The following JAM2 variants were observed in gnomAD, a reference collection of about 807,000 sequenced individuals.
JAM2 encodes the protein junctional adhesion molecule 2.
Under a neutral mutation model 42.0 loss-of-function variants are expected in JAM2, and 17 were observed. The ratio of observed to expected loss-of-function variants is 0.40; its 90% CI spans 0.28 to 0.61. The LOEUF (loss-of-function observed/expected upper bound fraction) is 0.61. JAM2 is among the 20% of genes least tolerant of loss of function. The probability of loss-of-function intolerance (pLI) is 0.37; values close to 1 mark genes in which losing one functional copy is unlikely to be tolerated. For synonymous variants in JAM2, 118 were observed against 128.6 expected (o/e 0.92, Z 0.56); for missense variants, 319 against 358.3 (o/e 0.89, Z 0.89).
chr21:25,682,890 C>T (rs2033667844), intron 1 of JAM2, among the ~76,000 whole-genome samples: 1 of 152,082 alleles, frequency 6.6e-6, no homozygotes, highest in Admixed American at 6.5e-5. Flanking sequence ...AGTCGAACTC[C>T]TCTCGGTGTT....
chr21:25,690,015 C>G (rs192670065), intron 3 of JAM2, 42 bp downstream of exon 3: 2 of 1,151,340 alleles, frequency 1.7e-6, no homozygotes, highest in Non-Finnish European at 2.6e-6. Flanking sequence ...CAAGAGAATG[C>G]CAAGTACAAC....
chr21:25,673,152 A>T (rs989979132), intron 1 of JAM2, among the ~76,000 whole-genome samples: 2 of 152,198 alleles, frequency 1.3e-5, no homozygotes, highest in Non-Finnish European at 2.9e-5. Flanking sequence ...TCAGCCACTG[A>T]TGGTTTTCCT....
intron 2 of JAM2, among the ~76,000 whole-genome samples, chr21:25,685,854 G>C (rs1318624039): frequency 2.0e-5 from 3 of 152,202 alleles, no homozygotes; most frequent in Non-Finnish European, 4.4e-5. Context: ...GAGGGACCAA[G>C]GAAGTGAAGT....
intron 1 of JAM2, among the ~76,000 whole-genome samples, chr21:25,640,970 C>T (rs1156294450): frequency 6.6e-6 from 1 of 152,174 alleles, no homozygotes; most frequent in African/African-American, 2.4e-5. Context: ...CCCTCGCTGC[C>T]CAAGTGATCA....
chr21:25,664,460 T>A (rs2033167472), intron 1 of JAM2, among the ~76,000 whole-genome samples: 1 of 152,202 alleles, frequency 6.6e-6, no homozygotes, highest in African/African-American at 2.4e-5. Flanking sequence ...GGTCTCGACC[T>A]CCTGGCCTTG....
At chr21:25,654,088 T>A (rs2032856786) in intron 1 of JAM2, among the ~76,000 whole-genome samples, 1 of 152,238 alleles carries the variant, frequency 6.6e-6, no homozygotes, top group South Asian at 2.1e-4. Context: ...TTATCTTTAT[T>A]CTGCTTTCTT....
At chr21:25,640,579 A>G (rs1404107503) in intron 1 of JAM2, among the ~76,000 whole-genome samples, 1 of 152,180 alleles carries the variant, frequency 6.6e-6, no homozygotes, top group Non-Finnish European at 1.5e-5. Flanking sequence ...CCCAAAGCCA[A>G]TTTCACCGGA....
intron 1 of JAM2, among the ~76,000 whole-genome samples, chr21:25,677,640 T>A (rs1468877214): frequency 6.6e-6 from 1 of 152,170 alleles, no homozygotes; most frequent in Non-Finnish European, 1.5e-5. Flanking sequence ...ACATTCTCAG[T>A]AGGCAGTGTG....
At chr21:25,640,982 C>A (rs1302443985) in intron 1 of JAM2, among the ~76,000 whole-genome samples, 2 of 152,180 alleles carry the variant, frequency 1.3e-5, no homozygotes, top group African/African-American at 4.8e-5. Context: ...AAGTGATCAT[C>A]GCACAGCTCA....
intron 1 of JAM2, among the ~76,000 whole-genome samples, chr21:25,660,443 G>A (rs1332629355): frequency 6.6e-6 from 1 of 151,974 alleles, no homozygotes; most frequent in Non-Finnish European, 1.5e-5. Context: ...TCCCCCAGGG[G>A]GTACTGTGAA....
At chr21:25,696,374 C>T (rs569871334) in intron 4 of JAM2, among the ~76,000 whole-genome samples, 4 of 152,016 alleles carry the variant, frequency 2.6e-5, no homozygotes, top group African/African-American at 9.6e-5. Flanking sequence ...AGAGGGAGAC[C>T]GTGGGGAGAC....
chr21:25,668,489 G>A (rs2033277489), intron 1 of JAM2, among the ~76,000 whole-genome samples: 1 of 152,180 alleles, frequency 6.6e-6, no homozygotes, highest in Non-Finnish European at 1.5e-5. Context: ...AGTAGGTTTT[G>A]CTAATGAATA....
At position 25,716,824 on chromosome 21, in the gene JAM2, G is replaced by C. The variant is rs2034488951; in HGVS notation, c.*2152G>C. The stretch of plus-strand genomic sequence containing the variant: ...AGAAATCAGGCTAAATGTTACCTAT[G>C]TTTTGGTTGGAAGATTTCTTTGGTT... On this transcript the variant is annotated 3_prime_UTR_variant, in exon 10 of 10. Coordinates refer to ENST00000480456, the MANE Select transcript of JAM2 (RefSeq NM_021219.4). 6.6e-6 allele frequency: 1 copy of C among 152,208 alleles called. No individual in the cohort carries two copies. Among genetic ancestry groups the C allele is most frequent in the Admixed American group, 6.5e-5 (1 of 15,286 alleles). The allele number at this position is 152,208 out of a possible 1,614,324, so 9.4% of individuals were successfully genotyped here. A position where few individuals can be genotyped will look rare whatever the true frequency, so the allele number is the denominator to read the frequency against.
Position 25,714,766 on chromosome 21 carries a change from TAC to T in JAM2, c.*97_*98del. On this transcript the variant is annotated 3_prime_UTR_variant, in exon 10 of 10. Transcript: ENST00000480456. ...GCTTTGTCCGACATTTGCAAAGAGG[TAC>T]ACGAGGAAATGGAATTGGTATTTCA... 1 of 784,644 alleles carries T rather than the reference TAC, an allele frequency of 1.3e-6. No individual in the cohort carries two copies. The highest frequency in any genetic ancestry group is 2.0e-6 in the Non-Finnish European group (1 of 510,192). The allele number at this position is 784,644 out of a possible 1,614,324, so 48.6% of individuals were successfully genotyped here. A position where few individuals can be genotyped will look rare whatever the true frequency, so the allele number is the denominator to read the frequency against.
intron 1 of JAM2, among the ~76,000 whole-genome samples, chr21:25,646,575 A>AGAGAGAGAGAGAGAAG: frequency 6.7e-6 from 1 of 148,860 alleles, no homozygotes; most frequent in Admixed American, 6.7e-5. Flanking sequence ...GTGGGGGGAA[A>AGAGAGAGAGAGAGAAG]GAGAGAGAGA....
chr21:25,712,050 A>T, intron 8 of JAM2: 1 of 279,444 alleles, frequency 3.6e-6, no homozygotes, highest in Non-Finnish European at 6.8e-6. Flanking sequence ...TTAAATTAAA[A>T]GTTAGTAAGT....
At position 25,683,934 on chromosome 21, in the gene JAM2, C is replaced by T. The variant is rs754402473; in HGVS notation, c.119C>T (p.Ala40Val). The T allele has an allele frequency of 1.4e-5, 23 of 1,604,358 alleles. No homozygotes were observed. In the Admixed American group the frequency reaches 1.8e-4, roughly 13 times the overall value. The change falls in exon 2 of 10, where the codon GCA (alanine) becomes GTA (valine). Residue 40 changes from alanine to valine, a missense_variant. Transcript: ENST00000480456. Reference sequence around the variant, plus strand: ...CCAAAAGACCAACAAGTAGTCACAGCAGTAGAGTACCAAGGTACAGTATCT... The same window carrying T: ...CCAAAAGACCAACAAGTAGTCACAGTAGTAGAGTACCAAGGTACAGTATCT... ...SAPKDQQVVT[A>V]VEYQEAILAC...
intron 1 of JAM2, among the ~76,000 whole-genome samples, chr21:25,649,230 G>A (rs571574825): frequency 1.3e-5 from 2 of 152,260 alleles, no homozygotes; most frequent in Non-Finnish European, 2.9e-5. Context: ...GTGTTCTCAC[G>A]CTGCTGTAAA....
intron 1 of JAM2, among the ~76,000 whole-genome samples, chr21:25,644,936 A>G (rs143121712): frequency 6.6e-6 from 1 of 152,286 alleles, no homozygotes; most frequent in African/African-American, 2.4e-5. Context: ...GCTGGAATGC[A>G]GTGGCGCAAT....
Sources: allele counts gnomAD v4.1 joint callset (sites outside exome capture counted in the v4.1 genomes callset), GRCh38; gene constraint gnomAD v4.1.1; transcripts MANE v1.5; gene names NCBI Gene and HGNC (gene_info 2026-07-23, HGNC 2026-07-21).